RIPOR1: variants seen among roughly 807,000 people sequenced by gnomAD.
The protein encoded by RIPOR1 is RHO family interacting cell polarization regulator 1.
Under a neutral mutation model 116.5 loss-of-function variants are expected in RIPOR1, and 58 were observed. The observed-to-expected ratio is 0.50, with a 90% CI of 0.40 to 0.62. The LOEUF is 0.62. RIPOR1 is among the 20% of genes least tolerant of loss of function. RIPOR1 has a pLI of 0.00. For synonymous variants in RIPOR1, 605 were observed against 650.0 expected (o/e 0.93, Z 1.05); for missense variants, 1,372 against 1,586.2 (o/e 0.86, Z 2.29).
rs924653786 is a variant in RIPOR1 at position 67,530,521 on chromosome 16, C to G, written c.-24+1607C>G. 2.6e-5 allele frequency among the ~76,000 whole-genome samples: 4 copies of G among 152,188 alleles called. No individual in the cohort carries two copies. The highest frequency in any genetic ancestry group is 9.6e-5 in the African/African-American group (4 of 41,454). Reference sequence around the variant, plus strand: ...GCCCCTTGCCCAGGTTATTTTTAGCCTCTGTTTACCTCGGTCGGGGCGGCC... The same window carrying G: ...GCCCCTTGCCCAGGTTATTTTTAGCGTCTGTTTACCTCGGTCGGGGCGGCC... On this transcript the variant is annotated intron_variant, in intron 1 of 21. Transcript: ENST00000042381. The surrounding 1 kb of genome is among the most constrained non-coding windows in gnomAD (Gnocchi z 4.5).
At chr16:67,535,417 G>A (rs952993581) in intron 1 of RIPOR1, among the ~76,000 whole-genome samples, 9 of 152,324 alleles carry the variant, frequency 5.9e-5, no homozygotes, top group East Asian at 3.9e-4. Flanking sequence ...AGAGAGGTGC[G>A]CAGTGCTGAG....
chr16:67,543,778 C>T lies in RIPOR1; in HGVS notation c.2600+309C>T, dbSNP rs1291884436. ...TGGGTGCCTCCAGCCCCTCCTCTTC[C>T]CCTTGGCCTCACCTTGGACCTGCCC... On this transcript the variant is annotated intron_variant, in intron 14 of 21. Coordinates refer to ENST00000042381, the MANE Select transcript of RIPOR1 (RefSeq NM_024519.4). The surrounding 1 kb of genome is among the most constrained non-coding windows in gnomAD (Gnocchi z 4.7). The T allele has an allele frequency of 2.1e-6, 1 of 469,840 alleles. No homozygotes were observed. Among genetic ancestry groups the T allele is most frequent in the Non-Finnish European group, 3.9e-6 (1 of 255,586 alleles). The allele number at this position is 469,840 out of a possible 1,614,324, so 29.1% of individuals were successfully genotyped here. A position where few individuals can be genotyped will look rare whatever the true frequency, so the allele number is the denominator to read the frequency against.
chr16:67,541,233 ATTT>A lies in RIPOR1; in HGVS notation c.802-179_802-177del, dbSNP rs565790382. The stretch of plus-strand genomic sequence containing the variant: ...GGTGCACCACCATGCCTGGCTAAAA[ATTT>A]TTTTTTTTTTTTTTTTTGAGACAGA... On this transcript the variant is annotated intron_variant, in intron 10 of 21. Transcript: ENST00000042381. This position sits in a 1 kb window ranked among gnomAD's most constrained non-coding sequence, Gnocchi z 4.6. 3,213 of 399,624 alleles carry A rather than the reference ATTT, an allele frequency of 8.0e-3. No homozygotes were observed. The highest frequency in any genetic ancestry group is 0.015 in the Middle Eastern group (19 of 1,280). 24.8% of individuals were successfully genotyped at this position (399,624 alleles called of 1,614,324 possible). A position where few individuals can be genotyped will look rare whatever the true frequency, so the allele number is the denominator to read the frequency against.
At chr16:67,533,172 T>G (rs535588975) in intron 1 of RIPOR1, among the ~76,000 whole-genome samples, 2 of 152,180 alleles carry the variant, frequency 1.3e-5, no homozygotes, top group South Asian at 2.1e-4. Flanking sequence ...TGGAGTGTCA[T>G]GGAGAAGTTG....
At position 67,529,755 on chromosome 16, in the gene RIPOR1, G is replaced by A. The variant is rs902507486; in HGVS notation, c.-24+841G>A. 5.3e-5 allele frequency: 82 copies of A among 1,534,370 alleles called. 2 individuals carry two copies. In the South Asian group the frequency reaches 9.6e-4, roughly 18 times the overall value. ...CTCGTGTAACAATACTTGTGCCCTG[G>A]CTGCAGTCTGCGGGGCCGCGCCCTG... is the stretch of plus-strand genomic sequence containing the variant. On this transcript the variant is annotated intron_variant, in intron 1 of 21. Coordinates refer to ENST00000042381, the MANE Select transcript of RIPOR1 (RefSeq NM_024519.4). The surrounding 1 kb of genome is among the most constrained non-coding windows in gnomAD (Gnocchi z 4.1).
At position 67,542,657 on chromosome 16, in the gene RIPOR1, A is replaced by G. The variant is rs780732613; in HGVS notation, c.1871A>G (p.His624Arg). 1.0e-5 allele frequency: 16 copies of G among 1,607,458 alleles called. No homozygotes were observed. In the Admixed American group the frequency reaches 1.2e-4, roughly 12 times the overall value. Residue 624 changes from histidine (H) to arginine (R), a missense_variant, in exon 13 of 22, where the codon CAT (histidine) becomes CGT (arginine). Physicochemically the swap from His to Arg is conservative, Grantham distance 29. Around this residue, in one of 3 missense-constraint regions of RIPOR1, gnomAD observed 1,005 missense variants for 1,144.7 expected, o/e 0.88. Transcript: ENST00000042381. The surrounding 1 kb of genome is among the most constrained non-coding windows in gnomAD (Gnocchi z 4.6). ...ACTCATACTTCCACAAGCCCCACCC[A>G]TACCCCCACAAGTCCCACCCACAAA... is the stretch of plus-strand genomic sequence containing the variant. ...SPTHTSTSPT[H>R]TPTSPTHKTS...
Position 67,545,517 on chromosome 16 carries a change from C to A in RIPOR1, c.3173C>A (p.Thr1058Asn). ...AGCCCCACCATGGAGGCCTACGTGA[C>A]TGAGACCGCTGAGGAGGGTGAGGCG... ...LDSPTMEAYV[T>N]ETAEEVLLVR... Residue 1058 changes from threonine (T) to asparagine (N), a missense_variant, in exon 18 of 22, where the codon ACT (threonine) becomes AAT (asparagine). Transcript: ENST00000042381. The surrounding 1 kb of genome is among the most constrained non-coding windows in gnomAD (Gnocchi z 4.8). 6.2e-7 allele frequency: 1 copy of A among 1,614,096 alleles called. No homozygotes were observed.
chr16:67,543,828 G>C lies in RIPOR1; in HGVS notation c.2600+359G>C. On this transcript the variant is annotated intron_variant, in intron 14 of 21. Transcript: ENST00000042381. This position sits in a 1 kb window ranked among gnomAD's most constrained non-coding sequence, Gnocchi z 4.7. ...CTTTAAGGAGCTCTCTCAGTGTCTC[G>C]CCGTGCACCCTGGGACCCCAGCACT... 2.6e-6 allele frequency: 1 copy of C among 382,938 alleles called. No homozygotes were observed. The highest frequency in any genetic ancestry group is 4.9e-6 in the Non-Finnish European group (1 of 204,778). 23.7% of individuals were successfully genotyped at this position (382,938 alleles called of 1,614,324 possible).
In RIPOR1 at chr16:67,540,516, A is replaced by G. The variant is rs747661303; in HGVS notation, c.675+15A>G. 1 of 1,614,122 alleles carries G rather than the reference A, an allele frequency of 6.2e-7. No homozygotes were observed. The highest frequency in any genetic ancestry group is 1.1e-5 in the South Asian group (1 of 91,080). The stretch of plus-strand genomic sequence containing the variant: ...ATCAGTATGAGGTATGAGAATGTGC[A>G]GGGAAGGGCTGGGTCGGTAGGGTCC... On this transcript the variant is annotated intron_variant, in intron 9 of 21. Coordinates refer to ENST00000042381, the MANE Select transcript of RIPOR1 (RefSeq NM_024519.4). This position sits in a 1 kb window ranked among gnomAD's most constrained non-coding sequence, Gnocchi z 4.7.
intron 1 of RIPOR1, among the ~76,000 whole-genome samples, chr16:67,520,114 A>T (rs1374804583): frequency 6.7e-6 from 1 of 150,220 alleles, no homozygotes; most frequent in Non-Finnish European, 1.5e-5. Flanking sequence ...GCAGTGGCTC[A>T]TGCCTGTGAT....
Position 67,541,564 on chromosome 16 carries a change from G to A in RIPOR1, c.936G>A (p.Leu312=), listed in dbSNP as rs2050984550. Residue 312 remains leucine (L), a synonymous_variant, in exon 11 of 22, where the codon CTG becomes CTA. Transcript: ENST00000042381. This position sits in a 1 kb window ranked among gnomAD's most constrained non-coding sequence, Gnocchi z 4.6. ...INDLGTIKLS[L]EVTWSPFDKD... is the part of the protein sequence containing the mutation. Reference sequence around the variant, plus strand: ...ACCTTGGTACCATCAAGCTCAGCCTGGAAGTCACATGGAGGTTGGTGGGGC... The same window carrying A: ...ACCTTGGTACCATCAAGCTCAGCCTAGAAGTCACATGGAGGTTGGTGGGGC... 1.2e-6 allele frequency: 2 copies of A among 1,613,952 alleles called. No homozygotes were observed. The highest frequency in any genetic ancestry group is 2.7e-5 in the African/African-American group (2 of 74,900).
At chr16:67,539,937 T>A (rs1237612364) in intron 6 of RIPOR1, 38 bp downstream of exon 6, 5 of 1,612,440 alleles carry the variant, frequency 3.1e-6, no homozygotes, top group Non-Finnish European at 4.2e-6. Flanking sequence ...GGGTGGGGGG[T>A]TGGATATCAT....
chr16:67,521,488 T>G (rs2050494598), intron 1 of RIPOR1, among the ~76,000 whole-genome samples: 1 of 152,178 alleles, frequency 6.6e-6, no homozygotes, highest in Non-Finnish European at 1.5e-5. Flanking sequence ...GGGCCTGGGC[T>G]GAAAGGGTCC....
At chr16:67,518,609 GGA>G (rs1413910230) in exon 1 of RIPOR1, 1 of 153,006 alleles carries the variant, frequency 6.5e-6, no homozygotes, top group Non-Finnish European at 1.5e-5. Flanking sequence ...GCCCTGGAGG[GGA>G]AGGTAAGAGT....
rs1434231424 is a variant in RIPOR1 at position 67,540,680 on chromosome 16, A to G, written c.777A>G (p.Leu259=). The change falls in exon 10 of 22, where the codon CTA becomes CTG. Residue 259 remains leucine (L), a synonymous_variant. Transcript: ENST00000042381. The surrounding 1 kb of genome is among the most constrained non-coding windows in gnomAD (Gnocchi z 4.7). Reference sequence around the variant, plus strand: ...GTGAAGAAACCATCTTTCTCCCTCTACTCACGGAATTTCTGTCTATTAAGG... The same window carrying G: ...GTGAAGAAACCATCTTTCTCCCTCTGCTCACGGAATTTCTGTCTATTAAGG... ...WDSEETIFLP[L]LTEFLSIKVT... 1.9e-6 allele frequency: 3 copies of G among 1,606,430 alleles called. No homozygotes were observed. In the African/African-American group the frequency reaches 4.0e-5, roughly 22 times the overall value.
Position 67,546,502 on chromosome 16 carries a change from A to C in RIPOR1, c.*39A>C, listed in dbSNP as rs768296167. The C allele has an allele frequency of 1.9e-6, 3 of 1,553,038 alleles. No homozygotes were observed. Among genetic ancestry groups the C allele is most frequent in the Admixed American group, 3.4e-5 (2 of 59,544 alleles). On this transcript the variant is annotated 3_prime_UTR_variant, in exon 22 of 22. Coordinates refer to ENST00000042381, the MANE Select transcript of RIPOR1 (RefSeq NM_024519.4). ...GGGTTCCTGGTGCCCCTTTCCCCCC[A>C]CTTTCAGGGCTCACCAGGCACTGGC...
In RIPOR1 at chr16:67,529,047, G is replaced by T. The variant is rs2050584714; in HGVS notation, c.-24+133G>T. The stretch of plus-strand genomic sequence containing the variant: ...CTGTCCCGCCTCACCCCATCTCCCG[G>T]ACCCCGGCCGCGCCTTGTCTTTCCT... On this transcript the variant is annotated intron_variant, in intron 1 of 21. Transcript: ENST00000042381. The surrounding 1 kb of genome is among the most constrained non-coding windows in gnomAD (Gnocchi z 4.1). 6.5e-6 allele frequency: 1 copy of T among 153,122 alleles called. No homozygotes were observed. The highest frequency in any genetic ancestry group is 1.9e-4 in the South Asian group (1 of 5,248). 9.5% of individuals were successfully genotyped at this position (153,122 alleles called of 1,614,324 possible).
Position 67,520,749 on chromosome 16 carries a change from G to A in RIPOR1, c.-24+2136G>A, listed in dbSNP as rs148427259. On this transcript the variant is annotated intron_variant, in intron 1 of 1. Transcript: ENST00000562116. The stretch of plus-strand genomic sequence containing the variant: ...TAGGAAGCAGAGGTGGCAGTGAGCC[G>A]AGATAGTGCCACTGCACTACAGCCT... Among the ~76,000 whole-genome samples the A allele has an allele frequency of 3.8e-3, 571 of 151,808 alleles. 7 individuals are homozygous for A. The highest frequency in any genetic ancestry group is 0.013 in the African/African-American group (532 of 41,350).
chr16:67,525,508 G>A (rs1011275685), upstream of RIPOR1, among the ~76,000 whole-genome samples: 5 of 152,112 alleles, frequency 3.3e-5, no homozygotes, highest in Non-Finnish European at 5.9e-5. Flanking sequence ...TGTCATCCGC[G>A]GGGGCTGTAG....
Sources: gnomAD v4.1 joint callset for allele counts (sites outside exome capture counted in the v4.1 genomes callset) on GRCh38, gnomAD v4.1.1 for gene constraint, gnomAD v4.1.1 regional missense constraint, Gnocchi (gnomAD v3.1) non-coding constraint, MANE v1.5 for transcripts, NCBI Gene and HGNC (gene_info 2026-07-23, HGNC 2026-07-21) for gene names.